CCSER2: variants seen among roughly 807,000 people sequenced by gnomAD.
The protein encoded by CCSER2 is serine-rich coiled-coil domain-containing protein 2.
Under a neutral mutation model 92.3 loss-of-function variants are expected in CCSER2, and 46 were observed. That is an observed-to-expected ratio of 0.50 (90% CI 0.39 to 0.64). CCSER2 has a LOEUF of 0.64. Ranked by LOEUF, CCSER2 falls within the 30% of genes least tolerant of loss-of-function variation. CCSER2 has a pLI of 0.00. For missense variants in CCSER2, 1,244 were observed against 1,238.9 expected, an observed-to-expected ratio of 1.00 and a Z score of -0.06; for synonymous variants, 433 against 431.4, an observed-to-expected ratio of 1.00 and a Z score of -0.04.
At chr10:84,333,641 T>A (rs963427393) in intron 1 of CCSER2, among the ~76,000 whole-genome samples, 3 of 152,236 alleles carry the variant, frequency 2.0e-5, no homozygotes, top group African/African-American at 7.2e-5. Flanking sequence ...AATGTGGCTA[T>A]ATATTGAATT....
chr10:84,368,681 C>T (rs535736013), intron 1 of CCSER2, among the ~76,000 whole-genome samples: 1 of 152,022 alleles, frequency 6.6e-6, no homozygotes, highest in Non-Finnish European at 1.5e-5. Flanking sequence ...TCTTTAATTA[C>T]CTTTTATTTC....
intron 6 of CCSER2, among the ~76,000 whole-genome samples, chr10:84,453,512 C>T (rs1311451456): frequency 6.6e-6 from 1 of 152,166 alleles, no homozygotes; most frequent in African/African-American, 2.4e-5. Flanking sequence ...TCGCCAACAG[C>T]GTGGTCAGTT....
intron 9 of CCSER2, among the ~76,000 whole-genome samples, chr10:84,482,582 G>A (rs915556327): frequency 2.0e-5 from 3 of 152,110 alleles, no homozygotes; most frequent in Non-Finnish European, 1.5e-5. Flanking sequence ...TATTCTGCAC[G>A]TTAAGTAAAT....
intron 3 of CCSER2, among the ~76,000 whole-genome samples, chr10:84,387,686 G>A (rs1841296506): frequency 6.6e-6 from 1 of 151,798 alleles, no homozygotes; most frequent in Non-Finnish European, 1.5e-5. Flanking sequence ...CCGCCACTAC[G>A]CCTGGCTATT....
intron 9 of CCSER2, among the ~76,000 whole-genome samples, chr10:84,478,202 A>T (rs1408439818): frequency 1.3e-5 from 2 of 152,220 alleles, no homozygotes; most frequent in Non-Finnish European, 2.9e-5. Flanking sequence ...TATGTATTCC[A>T]TGCTTATTTG....
At chr10:84,345,972 A>T (rs1844451697) in intron 1 of CCSER2, among the ~76,000 whole-genome samples, 1 of 152,210 alleles carries the variant, frequency 6.6e-6, no homozygotes, top group Non-Finnish European at 1.5e-5. Context: ...GGGCAAAAAA[A>T]GTAATGTTTA....
At chr10:84,476,141 T>G (rs1005723152) in intron 8 of CCSER2, among the ~76,000 whole-genome samples, 1 of 152,104 alleles carries the variant, frequency 6.6e-6, no homozygotes, top group African/African-American at 2.4e-5. Context: ...CAGCCTATAT[T>G]GAATTTTGTT....
chr10:84,500,541 G>A (rs1848668672), intron 9 of CCSER2, among the ~76,000 whole-genome samples: 1 of 152,202 alleles, frequency 6.6e-6, no homozygotes, highest in Admixed American at 6.5e-5. Flanking sequence ...AATGGCTTTT[G>A]AATATGCATG....
chr10:84,431,313 GT>G (rs1262558211), intron 5 of CCSER2, among the ~76,000 whole-genome samples: 2 of 151,982 alleles, frequency 1.3e-5, no homozygotes, highest in Admixed American at 1.3e-4. Flanking sequence ...TCTTTTTGCT[GT>G]TTCTACAGTT....
At chr10:84,391,637 G>A in intron 3 of CCSER2, 2 of 1,535,420 alleles carry the variant, frequency 1.3e-6, no homozygotes, top group Admixed American at 1.7e-5. Flanking sequence ...GCACTAGCTT[G>A]TAGAAATCAT....
intron 5 of CCSER2, among the ~76,000 whole-genome samples, chr10:84,435,702 A>T (rs1014532243): frequency 9.2e-5 from 14 of 151,930 alleles, no homozygotes; most frequent in African/African-American, 2.7e-4. Context: ...AAAAACTCAG[A>T]TGCAAAGGAA....
rs977656993 is a variant in CCSER2 at position 84,517,516 on chromosome 10, A to G, written c.*3249A>G. 2.6e-5 allele frequency: 4 copies of G among 152,658 alleles called. No individual in the cohort carries two copies. Among genetic ancestry groups the G allele is most frequent in the African/African-American group, 9.6e-5 (4 of 41,472 alleles). The allele number at this position is 152,658 out of a possible 1,614,324, so 9.5% of individuals were successfully genotyped here. On this transcript the variant is annotated 3_prime_UTR_variant, in exon 10 of 10. Coordinates refer to ENST00000372088, the MANE Select transcript of CCSER2 (RefSeq NM_001284240.2). ...AGTAAAAATCTGAATATGAAAGAAA[A>G]TATCAGATTTGCACTTTAAATGAGC...
chr10:84,328,669 C>G lies in CCSER2; in HGVS notation c.-179C>G, dbSNP rs1343795217. The G allele has an allele frequency of 6.6e-6, 1 of 151,280 alleles. No individual in the cohort carries two copies. Among genetic ancestry groups the G allele is most frequent in the Non-Finnish European group, 1.5e-5 (1 of 67,770 alleles). 9.4% of individuals were successfully genotyped at this position (151,280 alleles called of 1,614,324 possible). A position where few individuals can be genotyped will look rare whatever the true frequency, so the allele number is the denominator to read the frequency against. On this transcript the variant is annotated 5_prime_UTR_variant, in exon 1 of 10. Transcript: ENST00000372088. ...GCTCCCTCAGGCCGCGGACGCGATG[C>G]TGGTTGCTGCGGCTCGGGCGGCGGG...
Position 84,438,672 on chromosome 10 carries a change from A to G in CCSER2, c.2029A>G (p.Thr677Ala), listed in dbSNP as rs1441809070. 1.2e-6 allele frequency: 2 copies of G among 1,609,310 alleles called. No individual in the cohort carries two copies. The highest frequency in any genetic ancestry group is 1.7e-6 in the Non-Finnish European group (2 of 1,177,900). ...GGTTCAGGATTGCACTGCTGTAAAA[A>G]CTCAGTTACTCAAACTGAAACGTCT... is the stretch of plus-strand genomic sequence containing the variant. ...HMVQDCTAVK[T>A]QLLKLKRLLH... The change falls in exon 6 of 10, where the codon ACT becomes GCT. Residue 677 changes from threonine (T) to alanine (A), a missense_variant. Thr to Ala is a moderately conservative substitution (Grantham distance 58). Transcript: ENST00000372088.
At chr10:84,339,553 G>T (rs968512173) in intron 1 of CCSER2, among the ~76,000 whole-genome samples, 2 of 151,290 alleles carry the variant, frequency 1.3e-5, no homozygotes, top group African/African-American at 4.9e-5. Flanking sequence ...TTGGCTCACC[G>T]CAACCTCTGT....
chr10:84,518,084 CCTT>C lies in CCSER2; in HGVS notation c.*3818_*3820del, dbSNP rs1849655898. ...CGATGTTTTTCCTTGGGGATGATGG[CCTT>C]GTTCCTTTTTAAATTCTGATGCTTG... On this transcript the variant is annotated 3_prime_UTR_variant, in exon 10 of 10. Coordinates refer to ENST00000372088, the MANE Select transcript of CCSER2 (RefSeq NM_001284240.2). The C allele has an allele frequency of 6.6e-6, 1 of 152,086 alleles. No individual in the cohort carries two copies. The highest frequency in any genetic ancestry group is 2.1e-4 in the South Asian group (1 of 4,814). The allele number at this position is 152,086 out of a possible 1,614,324, so 9.4% of individuals were successfully genotyped here.
chr10:84,352,409 CAT>C (rs1463410677), intron 1 of CCSER2, among the ~76,000 whole-genome samples: 2 of 151,908 alleles, frequency 1.3e-5, no homozygotes, highest in Non-Finnish European at 2.9e-5. Context: ...GGCCACAAGA[CAT>C]AGTTCATGGC....
At chr10:84,398,119 G>C (rs565558879) in intron 3 of CCSER2, among the ~76,000 whole-genome samples, 1 of 152,250 alleles carries the variant, frequency 6.6e-6, no homozygotes, top group Admixed American at 6.5e-5. Context: ...GCAGGGCTAG[G>C]TGCCTTCCTG....
At chr10:84,389,293 T>C in intron 3 of CCSER2, 1 of 521,280 alleles carries the variant, frequency 1.9e-6, no homozygotes. Context: ...CAGAGAGTTC[T>C]CTGGCTAAAG....
Sources: gnomAD v4.1 joint callset for allele counts (sites outside exome capture counted in the v4.1 genomes callset) on GRCh38, gnomAD v4.1.1 for gene constraint, MANE v1.5 for transcripts, NCBI Gene and HGNC (gene_info 2026-07-23, HGNC 2026-07-21) for gene names.